GPD2: variants seen among roughly 807,000 people sequenced by gnomAD.
GPD2 encodes the protein glycerol-3-phosphate dehydrogenase 2, also known as glycerol-3-phosphate dehydrogenase, mitochondrial.
GPD2 carries 54 observed loss-of-function variants against 82.4 expected under a neutral mutation model. The observed-to-expected ratio is 0.66, with a 90% CI of 0.53 to 0.82. GPD2 has a LOEUF of 0.82. Among genes scored for constraint, GPD2 ranks in the 40% least tolerant of loss-of-function variants. The pLI is 0.00. For missense variants in GPD2, 748 were observed against 896.2 expected (o/e 0.83, Z 2.11); for synonymous variants, 288 against 306.1 (o/e 0.94, Z 0.62).
the GPD2 span, among the ~76,000 whole-genome samples, chr2:156,400,792 C>T: frequency 5.9e-5 from 9 of 152,282 alleles, no homozygotes; most frequent in East Asian, 1.3e-3. Context: ...AGTGGTAGAG[C>T]GCGCGCTTCG....
At position 156,514,043 on chromosome 2, in the gene GPD2, GT is replaced by G. The variant is rs1204822737; in HGVS notation, c.661+552del. On this transcript the variant is annotated intron_variant, in intron 6 of 16. Coordinates refer to ENST00000438166, the MANE Select transcript of GPD2 (RefSeq NM_000408.5). ...CATTGCATCTGTTAAACTGCTCTGA[GT>G]TTTTATTGCTTATTTTATTGTTGTT... Among the ~76,000 whole-genome samples, 11 of 151,724 alleles carry G rather than the reference GT, an allele frequency of 7.3e-5. 1 individual carries two copies. Among genetic ancestry groups the G allele is most frequent in the Middle Eastern group, 3.5e-3 (1 of 286 alleles).
At chr2:156,499,810 GT>G (rs766813953) in intron 3 of GPD2, among the ~76,000 whole-genome samples, 65 of 141,326 alleles carry the variant, frequency 4.6e-4, no homozygotes, top group East Asian at 1.2e-3. Context: ...TTTTTGGGTG[GT>G]TTTTTTTTTT....
rs529452216 is a variant in GPD2, at chr2:156,465,537, A to AT, written c.-8-10555dup. 6.6e-5 allele frequency among the ~76,000 whole-genome samples: 10 copies of AT among 151,404 alleles called. No individual in the cohort carries two copies. The South Asian group carries it at 1.5e-3, about 22-fold the overall frequency. On this transcript the variant is annotated intron_variant, in intron 1 of 16. Coordinates refer to ENST00000438166, the MANE Select transcript of GPD2 (RefSeq NM_000408.5). ...CCATCATGCCCAGCTAATTAAAAAG[A>AT]TTTTTTCTGTAGAGACAGGGTCTCG... is the stretch of plus-strand genomic sequence containing the variant.
chr2:156,557,520 C>G lies in GPD2; in HGVS notation c.1103C>G (p.Ser368Ter). Reference sequence around the variant, plus strand: ...GATGTTACACACCATCCAATTCCTTCAGAAGAAGATATCAACTTCATTTTG... The same window carrying G: ...GATGTTACACACCATCCAATTCCTTGAGAAGAAGATATCAACTTCATTTTG... The part of the protein sequence containing the change: ...PTDVTHHPIP[S>*]EEDINFILNE... The change falls in exon 9 of 17, where the codon TCA becomes TGA. Residue 368 changes from serine (S) to a stop codon, truncating the protein, a stop_gained. Transcript: ENST00000438166. LOFTEE classifies it high-confidence loss of function. 1.2e-6 allele frequency: 2 copies of G among 1,600,406 alleles called. No homozygotes were observed. Among genetic ancestry groups the G allele is most frequent in the Non-Finnish European group, 1.7e-6 (2 of 1,167,576 alleles).
In GPD2 at chr2:156,501,468, A is replaced by C. The variant is rs573541767; in HGVS notation, c.274+5253A>C. Among the ~76,000 whole-genome samples, 5 of 152,306 alleles carry C rather than the reference A, an allele frequency of 3.3e-5. No homozygotes were observed. The South Asian group carries it at 1.0e-3, about 32-fold the overall frequency. On this transcript the variant is annotated intron_variant, in intron 3 of 16. Transcript: ENST00000438166. ...TGGCTTAACCTTACAGAGAGCCTTA[A>C]GTTTCTCAGGCATAAATGGAGGATA... is the stretch of plus-strand genomic sequence containing the variant.
chr2:156,421,683 G>A, the GPD2 span, among the ~76,000 whole-genome samples: 1 of 152,104 alleles, frequency 6.6e-6, no homozygotes, highest in East Asian at 1.9e-4. Flanking sequence ...TCTTGCCTTA[G>A]AGTATGATGT....
intron 1 of GPD2, among the ~76,000 whole-genome samples, chr2:156,451,774 T>C (rs1360546809): frequency 2.1e-5 from 3 of 145,764 alleles, no homozygotes; most frequent in Admixed American, 6.8e-5. Context: ...CCAGACAGGG[T>C]GGCTGCCGGG....
the GPD2 span, among the ~76,000 whole-genome samples, chr2:156,416,514 G>GTTTTTTTTT: frequency 8.5e-6 from 1 of 117,926 alleles, no homozygotes; most frequent in Non-Finnish European, 1.8e-5. Flanking sequence ...TGCCCAGCTA[G>GTTTTTTTTT]TTTTTTTTTT....
At chr2:156,537,302 G>C (rs1245650890) in intron 6 of GPD2, among the ~76,000 whole-genome samples, 1 of 152,170 alleles carries the variant, frequency 6.6e-6, no homozygotes, top group Admixed American at 6.5e-5. Flanking sequence ...GATTACAACA[G>C]GGCAAGGGCA....
intron 6 of GPD2, among the ~76,000 whole-genome samples, chr2:156,524,507 C>A (rs184239411): frequency 1.3e-5 from 2 of 152,150 alleles, no homozygotes; most frequent in Admixed American, 1.3e-4. Flanking sequence ...CTTGGTCTGG[C>A]ACCTCTTTCA....
intron 1 of GPD2, among the ~76,000 whole-genome samples, chr2:156,452,861 A>G (rs948796585): frequency 6.6e-6 from 1 of 152,186 alleles, no homozygotes; most frequent in Non-Finnish European, 1.5e-5. Context: ...TATTAGTAAA[A>G]GGAAGGACTG....
the GPD2 span, among the ~76,000 whole-genome samples, chr2:156,410,189 C>T: frequency 6.6e-6 from 1 of 152,218 alleles, no homozygotes; most frequent in African/African-American, 2.4e-5. Flanking sequence ...TTAAGGGCAG[C>T]ACGTCTCACA....
At chr2:156,420,451 A>G in the GPD2 span, among the ~76,000 whole-genome samples, 2 of 152,174 alleles carry the variant, frequency 1.3e-5, no homozygotes, top group Non-Finnish European at 1.5e-5. Flanking sequence ...GATTACAGGC[A>G]TAAGTCACCG....
At chr2:156,439,878 T>TAAATAAATAAATA (rs1345049474) in intron 1 of GPD2, among the ~76,000 whole-genome samples, 2 of 44,204 alleles carry the variant, frequency 4.5e-5, no homozygotes, top group African/African-American at 1.0e-4. Context: ...ATAAATAAAG[T>TAAATAAATAAATA]GTCAGATGGC....
At chr2:156,466,200 A>G (rs1169900069) in intron 1 of GPD2, among the ~76,000 whole-genome samples, 1 of 152,238 alleles carries the variant, frequency 6.6e-6, no homozygotes, top group Non-Finnish European at 1.5e-5. Context: ...ACGACTTTAA[A>G]CACAAATCCG....
the GPD2 span, among the ~76,000 whole-genome samples, chr2:156,402,344 G>A: frequency 6.6e-6 from 1 of 152,198 alleles, no homozygotes; most frequent in Admixed American, 6.5e-5. Flanking sequence ...ACTTCTTAGT[G>A]TGTGGGTAAA....
At chr2:156,492,314 C>T (rs971678013) in intron 2 of GPD2, among the ~76,000 whole-genome samples, 5 of 151,186 alleles carry the variant, frequency 3.3e-5, no homozygotes, top group African/African-American at 7.3e-5. Flanking sequence ...CCACCATGCC[C>T]GGCTAATTTT....
intron 3 of GPD2, among the ~76,000 whole-genome samples, chr2:156,500,139 G>A (rs1236156019): frequency 6.6e-6 from 1 of 151,972 alleles, no homozygotes; most frequent in African/African-American, 2.4e-5. Context: ...CTAAGAAAAC[G>A]ATGTATTTTT....
chr2:156,463,993 T>A (rs1683072172), intron 1 of GPD2, among the ~76,000 whole-genome samples: 1 of 152,158 alleles, frequency 6.6e-6, no homozygotes, highest in Non-Finnish European at 1.5e-5. Flanking sequence ...AGAAATATCT[T>A]TTTCTTTAGT....
Sources: gnomAD v4.1 joint callset for allele counts (sites outside exome capture counted in the v4.1 genomes callset) on GRCh38, gnomAD v4.1.1 for gene constraint, MANE v1.5 for transcripts, NCBI Gene and HGNC (gene_info 2026-07-23, HGNC 2026-07-21) for gene names.